KIAA1549L: variants seen among roughly 807,000 people sequenced by gnomAD.
KIAA1549L encodes UPF0606 protein KIAA1549L.
KIAA1549L carries 88 observed loss-of-function variants against 160.7 expected under a neutral mutation model. That is an observed-to-expected ratio of 0.55 (90% confidence interval 0.46 to 0.65). The LOEUF (loss-of-function observed/expected upper bound fraction) is 0.65, where lower values mean the gene tolerates loss of function less well. KIAA1549L is among the 30% of genes least tolerant of loss of function. The probability of loss-of-function intolerance (pLI) is 0.00; values close to 1 mark genes in which losing one functional copy is unlikely to be tolerated. For missense variants in KIAA1549L, 2,258 were observed against 2,437.5 expected, an observed-to-expected ratio of 0.93 and a Z score of 1.55; for synonymous variants, 950 against 976.7, an observed-to-expected ratio of 0.97 and a Z score of 0.51.
chr11:33,506,560 A>G (rs1000097414), intron 1 of KIAA1549L, among the ~76,000 whole-genome samples: 4 of 151,952 alleles, frequency 2.6e-5, no homozygotes, highest in Non-Finnish European at 5.9e-5. Context: ...ACCCTACAAC[A>G]AATTTTTTTA....
chr11:33,564,907 T>A (rs540846573), intron 8 of KIAA1549L, among the ~76,000 whole-genome samples: 20 of 152,314 alleles, frequency 1.3e-4, no homozygotes, highest in African/African-American at 4.8e-4. Context: ...GCCTGATCAC[T>A]TGAATTGTAG....
chr11:33,524,307 C>G (rs753637780), intron 1 of KIAA1549L, among the ~76,000 whole-genome samples: 6 of 152,130 alleles, frequency 3.9e-5, no homozygotes, highest in Middle Eastern at 3.4e-3. Context: ...CTTTCTCATT[C>G]CTAATGTCTT....
chr11:33,452,614 ATATGTATG>A (rs10551315), intron 1 of KIAA1549L, among the ~76,000 whole-genome samples: 40 of 151,692 alleles, frequency 2.6e-4, no homozygotes, highest in South Asian at 8.3e-4. Flanking sequence ...TCTCAAATAA[ATATGTATG>A]TATGTATGTA....
At chr11:33,555,565 A>G (rs1339339821) in intron 6 of KIAA1549L, among the ~76,000 whole-genome samples, 1 of 152,238 alleles carries the variant, frequency 6.6e-6, no homozygotes, top group Non-Finnish European at 1.5e-5. Context: ...TGGGGAAAGG[A>G]CAGTCTTTTT....
intron 20 of KIAA1549L, among the ~76,000 whole-genome samples, chr11:33,666,173 G>A (rs888635591): frequency 1.3e-5 from 2 of 151,994 alleles, no homozygotes; most frequent in Non-Finnish European, 1.5e-5. Context: ...CAGGGCTCCT[G>A]CCTGCTCCAT....
At chr11:33,497,229 T>A (rs1241826290) in intron 1 of KIAA1549L, among the ~76,000 whole-genome samples, 8 of 152,084 alleles carry the variant, frequency 5.3e-5, no homozygotes, top group East Asian at 1.9e-4. Context: ...TAAAAAAAAA[T>A]TTATTCTTGT....
chr11:33,602,892 T>C lies in KIAA1549L; in HGVS notation c.4880-3749T>C, dbSNP rs555729745. ...GGAATTGTACAAATCTGAATAAAAG[T>C]TTTTTTGAAAGAGTGAAAAATAACT... On this transcript the variant is annotated intron_variant, in intron 13 of 20. Transcript: ENST00000658780. 2.0e-5 allele frequency among the ~76,000 whole-genome samples: 3 copies of C among 152,340 alleles called. No individual in the cohort carries two copies. In the East Asian group the frequency reaches 5.8e-4, roughly 29 times the overall value.
chr11:33,637,727 G>A (rs530941512), intron 16 of KIAA1549L, among the ~76,000 whole-genome samples: 59 of 152,248 alleles, frequency 3.9e-4, no homozygotes, highest in Admixed American at 6.5e-4. Context: ...CCTTCATATC[G>A]GCTTCCCTTT....
chr11:33,447,024 T>C (rs538145373), intron 1 of KIAA1549L, among the ~76,000 whole-genome samples: 1 of 152,246 alleles, frequency 6.6e-6, no homozygotes, highest in African/African-American at 2.4e-5. Context: ...GAAGAAGACA[T>C]ATAATCGTAC....
At chr11:33,579,243 G>A (rs978178707) in intron 10 of KIAA1549L, among the ~76,000 whole-genome samples, 3 of 152,296 alleles carry the variant, frequency 2.0e-5, no homozygotes, top group Admixed American at 6.5e-5. Flanking sequence ...AGGGCTTGGT[G>A]CAGTCCTGGG....
rs762838830 is a variant in KIAA1549L at position 33,568,202 on chromosome 11, C to G, written c.4205C>G (p.Thr1402Ser). The stretch of plus-strand genomic sequence containing the variant: ...CAAGGCCGGCGGTTTAAACGGGCCA[C>G]CACCCTGGGAAGCTACACTGTGCAG... The part of the protein sequence containing the change: ...QQQGRRFKRA[T>S]TLGSYTVQMV... Residue 1402 changes from threonine to serine, a missense_variant, in exon 9 of 21, where the codon ACC becomes AGC. Physicochemically the swap from Thr to Ser is moderately conservative, Grantham distance 58. Transcript: ENST00000658780. The G allele has an allele frequency of 6.2e-6, 10 of 1,613,610 alleles. No homozygotes were observed. Among genetic ancestry groups the G allele is most frequent in the Non-Finnish European group, 5.1e-6 (6 of 1,179,742 alleles).
chr11:33,655,419 T>C (rs565708678), intron 17 of KIAA1549L, among the ~76,000 whole-genome samples: 2 of 152,166 alleles, frequency 1.3e-5, no homozygotes, highest in Non-Finnish European at 2.9e-5. Flanking sequence ...CCAAATCCAT[T>C]GCTTTTCTCC....
At chr11:33,617,380 GA>G (rs1850840866) in intron 15 of KIAA1549L, among the ~76,000 whole-genome samples, 2 of 152,116 alleles carry the variant, frequency 1.3e-5, no homozygotes, top group African/African-American at 4.8e-5. Context: ...CCCACTCTTT[GA>G]AAAGATTTTT....
chr11:33,454,038 A>T (rs569123358), intron 1 of KIAA1549L, among the ~76,000 whole-genome samples: 11 of 152,310 alleles, frequency 7.2e-5, no homozygotes, highest in Admixed American at 7.2e-4. Flanking sequence ...ACTGAGCAAA[A>T]AGTTAAATCA....
At chr11:33,523,337 A>G (rs1853540182) in intron 1 of KIAA1549L, among the ~76,000 whole-genome samples, 1 of 152,262 alleles carries the variant, frequency 6.6e-6, no homozygotes, top group South Asian at 2.1e-4. Flanking sequence ...CAAAGCCCTT[A>G]GTGTATGCGT....
At chr11:33,390,624 C>T (rs1850255587) in intron 1 of KIAA1549L, among the ~76,000 whole-genome samples, 1 of 152,232 alleles carries the variant, frequency 6.6e-6, no homozygotes, top group Non-Finnish European at 1.5e-5. Flanking sequence ...AAAATGCCTT[C>T]TTAGCCTGAT....
At chr11:33,545,482 C>G (rs766212853) in intron 3 of KIAA1549L, 104 bp downstream of exon 3, 1 of 1,333,376 alleles carries the variant, frequency 7.5e-7, no homozygotes, top group Non-Finnish European at 1.0e-6. Flanking sequence ...GACATTTTTC[C>G]ACCCTCCCCC....
At chr11:33,631,091 T>A (rs1851274310) in intron 16 of KIAA1549L, among the ~76,000 whole-genome samples, 1 of 152,230 alleles carries the variant, frequency 6.6e-6, no homozygotes, top group Non-Finnish European at 1.5e-5. Context: ...CACTGCCCAG[T>A]ACTGTCTCCA....
At chr11:33,469,364 T>G (rs1414396062) in intron 1 of KIAA1549L, among the ~76,000 whole-genome samples, 1 of 152,202 alleles carries the variant, frequency 6.6e-6, no homozygotes, top group African/African-American at 2.4e-5. Flanking sequence ...TATCAGTACT[T>G]TACTCCTTTT....
Sources: gnomAD v4.1 joint callset for allele counts (sites outside exome capture counted in the v4.1 genomes callset) on GRCh38, gnomAD v4.1.1 for gene constraint, MANE v1.5 for transcripts, NCBI Gene and HGNC (gene_info 2026-07-23, HGNC 2026-07-21) for gene names.